The following GLDC variants were observed in gnomAD, a reference collection of about 807,000 sequenced individuals.
GLDC encodes the protein glycine decarboxylase.
In GLDC, 104 loss-of-function variants were observed where a neutral mutation model predicts 121.3. That is an observed-to-expected ratio of 0.86 (90% confidence interval 0.73 to 1.01). The LOEUF (loss-of-function observed/expected upper bound fraction) is 1.01. GLDC is among the 50% of genes least tolerant of loss of function. The pLI is 0.00. For missense variants in GLDC, 1,429 were observed against 1,306.6 expected (o/e 1.09, Z -1.44); for synonymous variants, 546 against 480.6 (o/e 1.14, Z -1.78).
At chr9:6,570,128 G>A (rs754562680) in intron 15 of GLDC, among the ~76,000 whole-genome samples, 1 of 152,218 alleles carries the variant, frequency 6.6e-6, no homozygotes, top group Non-Finnish European at 1.5e-5. Flanking sequence ...CATTTTGCAA[G>A]ACTGCAGAAT....
chr9:6,533,184 T>G (rs762513013), intron 24 of GLDC, 24 bp from the exon 25 acceptor site: 1 of 1,611,746 alleles, frequency 6.2e-7, no homozygotes, highest in Non-Finnish European at 8.5e-7. Context: ...AAGATGGAAA[T>G]GCTGTGAGAT....
At position 6,644,673 on chromosome 9, in the gene GLDC, T is replaced by C; in HGVS notation, c.275A>G (p.Glu92Gly). 6.2e-7 allele frequency: 1 copy of C among 1,612,836 alleles called. No individual in the cohort carries two copies. Among genetic ancestry groups the C allele is most frequent in the Non-Finnish European group, 8.5e-7 (1 of 1,178,882 alleles). The change falls in exon 2 of 25, where the codon GAG (glutamate) becomes GGG (glycine). Residue 92 changes from glutamate to glycine, a missense_variant. By Grantham distance (98) the Glu-to-Gly change is moderately conservative. Transcript: ENST00000321612. ...ACGGATGTTGGCAGGGACCGTCTTCTCGATCAATTCATCAATGCTCTAAAA... is the reference window on the plus strand; with the variant it reads ...ACGGATGTTGGCAGGGACCGTCTTCCCGATCAATTCATCAATGCTCTAAAA... ...LGLASIDELI[E>G]KTVPANIRLK...
At chr9:6,597,917 G>C (rs1563853586) in intron 8 of GLDC, among the ~76,000 whole-genome samples, 2 of 101,960 alleles carry the variant, frequency 2.0e-5, no homozygotes, top group Non-Finnish European at 5.5e-5. Flanking sequence ...CTGGGCGATG[G>C]AGCGAGACTC....
At chr9:6,627,955 G>A (rs1195176201) in intron 2 of GLDC, among the ~76,000 whole-genome samples, 2 of 152,220 alleles carry the variant, frequency 1.3e-5, no homozygotes, top group African/African-American at 4.8e-5. Flanking sequence ...GAAGCCCAGA[G>A]TTTGAGTAAC....
At chr9:6,607,117 C>T (rs1046263184) in intron 4 of GLDC, among the ~76,000 whole-genome samples, 3 of 152,046 alleles carry the variant, frequency 2.0e-5, no homozygotes, top group Non-Finnish European at 4.4e-5. Flanking sequence ...ATGGCATTTA[C>T]TGATTAGCAT....
chr9:6,644,829 C>G lies in GLDC; in HGVS notation c.256-137G>C, dbSNP rs550120164. 15 of 701,360 alleles carry G rather than the reference C, an allele frequency of 2.1e-5. No homozygotes were observed. In the East Asian group the frequency reaches 3.5e-4, roughly 16 times the overall value. The allele number at this position is 701,360 out of a possible 1,614,324, so 43.4% of individuals were successfully genotyped here. On this transcript the variant is annotated intron_variant, in intron 1 of 24. Transcript: ENST00000321612. ...TTCTTTTTAAAAGAAAAGGAAAACT[C>G]TGAGCAAGCCAGAATGATTTGGAGG...
At chr9:6,546,787 C>T (rs12343657) in intron 21 of GLDC, among the ~76,000 whole-genome samples, 1 of 151,664 alleles carries the variant, frequency 6.6e-6, no homozygotes, top group African/African-American at 2.4e-5. Flanking sequence ...CAGGATGAAA[C>T]CCTGTCTCTA....
chr9:6,582,752 C>A (rs1454623472), intron 15 of GLDC, among the ~76,000 whole-genome samples: 1 of 151,716 alleles, frequency 6.6e-6, no homozygotes, highest in African/African-American at 2.4e-5. Context: ...TGGCGTGAAC[C>A]CGGGAGGCGA....
chr9:6,608,313 G>A (rs111842727), intron 4 of GLDC, among the ~76,000 whole-genome samples: 1 of 145,276 alleles, frequency 6.9e-6, no homozygotes, highest in African/African-American at 2.6e-5. Flanking sequence ...TCCCAGCTAC[G>A]TGGGAGGCTG....
intron 4 of GLDC, among the ~76,000 whole-genome samples, chr9:6,607,331 C>T (rs1249484781): frequency 6.6e-6 from 1 of 151,946 alleles, no homozygotes; most frequent in Non-Finnish European, 1.5e-5. Flanking sequence ...ACCTGTAATC[C>T]CAGCACTACG....
intron 5 of GLDC, chr9:6,605,728 G>A (rs913953920): frequency 1.5e-5 from 4 of 259,648 alleles, no homozygotes; most frequent in Non-Finnish European, 3.0e-5. Flanking sequence ...CTGAAGGGAT[G>A]GTGGTATGGG....
chr9:6,536,457 G>A (rs555578628), intron 22 of GLDC, among the ~76,000 whole-genome samples: 3 of 152,284 alleles, frequency 2.0e-5, no homozygotes, highest in South Asian at 2.1e-4. Flanking sequence ...AAATTTTACA[G>A]AGCACCTATA....
chr9:6,547,963 C>G (rs1817432732), intron 21 of GLDC, among the ~76,000 whole-genome samples: 1 of 151,988 alleles, frequency 6.6e-6, no homozygotes, highest in Non-Finnish European at 1.5e-5. Context: ...GACCCCGTCT[C>G]TACAAAAAAT....
At chr9:6,539,610 G>C (rs1817212738) in intron 22 of GLDC, among the ~76,000 whole-genome samples, 1 of 152,178 alleles carries the variant, frequency 6.6e-6, no homozygotes, top group South Asian at 2.1e-4. Flanking sequence ...CTTTCAAAAT[G>C]CTTCAAAGAA....
intron 15 of GLDC, among the ~76,000 whole-genome samples, chr9:6,581,043 G>A (rs1012591069): frequency 1.3e-5 from 2 of 152,188 alleles, no homozygotes; most frequent in African/African-American, 4.8e-5. Flanking sequence ...CCACCTGAGG[G>A]TGTTCTCTGC....
Position 6,550,877 on chromosome 9 carries a change from G to C in GLDC, c.2495C>G (p.Thr832Ser). ...GGKGLKQATE[T>S]AILNANYMAK... is the part of the protein sequence containing the mutation. ...CATGTAGTTGGCATTTAATATCGCAGTTTCCGTGGCTTGTTTAAGACCCTT... is the reference window on the plus strand; with the variant it reads ...CATGTAGTTGGCATTTAATATCGCACTTTCCGTGGCTTGTTTAAGACCCTT... The change falls in exon 21 of 25, where the codon ACT becomes AGT. Residue 832 changes from threonine to serine, a missense_variant. Physicochemically the swap from Thr to Ser is moderately conservative, Grantham distance 58. Coordinates refer to ENST00000321612, the MANE Select transcript of GLDC (RefSeq NM_000170.3). 6.2e-7 allele frequency: 1 copy of C among 1,613,654 alleles called. No individual in the cohort carries two copies. The highest frequency in any genetic ancestry group is 8.5e-7 in the Non-Finnish European group (1 of 1,179,594).
chr9:6,583,081 C>T (rs1225644452), intron 15 of GLDC, among the ~76,000 whole-genome samples: 2 of 151,978 alleles, frequency 1.3e-5, no homozygotes, highest in African/African-American at 2.4e-5. Flanking sequence ...TGGTGGGGGA[C>T]GTGGAGAAAT....
intron 15 of GLDC, among the ~76,000 whole-genome samples, chr9:6,566,759 T>TA (rs1817862845): frequency 6.6e-6 from 1 of 152,126 alleles, no homozygotes; most frequent in Admixed American, 6.5e-5. Flanking sequence ...AATTAAATAC[T>TA]AAAAAAAGAT....
At chr9:6,639,069 C>A in intron 2 of GLDC, 2 of 647,304 alleles carry the variant, frequency 3.1e-6, no homozygotes, top group African/African-American at 1.8e-5. Context: ...AAACATTTAA[C>A]AATTAGGCAA....
Sources: allele counts gnomAD v4.1 joint callset (sites outside exome capture counted in the v4.1 genomes callset), GRCh38; gene constraint gnomAD v4.1.1; transcripts MANE v1.5; gene names NCBI Gene and HGNC (gene_info 2026-07-23, HGNC 2026-07-21).